ASCC3: variants seen among roughly 807,000 people sequenced by gnomAD.
ASCC3 encodes activating signal cointegrator 1 complex subunit 3, also known as ASC-1 complex subunit P200.
A neutral mutation model predicts 256.3 loss-of-function variants in ASCC3; 158 were observed. The ratio of observed to expected loss-of-function variants is 0.62; its 90% confidence interval spans 0.54 to 0.70. ASCC3 has a LOEUF of 0.70. ASCC3 is among the 30% of genes least tolerant of loss of function. The probability of loss-of-function intolerance (pLI) is 0.00; values close to 1 mark genes in which losing one functional copy is unlikely to be tolerated. For synonymous variants in ASCC3, 948 were observed against 883.4 expected (o/e 1.07, Z -1.30); for missense variants, 2,259 against 2,626.0 (o/e 0.86, Z 3.05).
intron 10 of ASCC3, among the ~76,000 whole-genome samples, chr6:100,750,720 A>G (rs1780898549): frequency 1.3e-5 from 2 of 151,962 alleles, no homozygotes; most frequent in African/African-American, 4.8e-5. Context: ...TATATACTTC[A>G]CCATTCTTTT....
At chr6:100,688,905 TAGGATCCTCCCTCTC>T in intron 13 of ASCC3, among the ~76,000 whole-genome samples, 1 of 152,294 alleles carries the variant, frequency 6.6e-6, no homozygotes, top group South Asian at 2.1e-4. Context: ...AGAAATTAAC[TAGGATCCTCCCTCTC>T]AAAGATGACA....
chr6:100,877,581 ATAATT>A (rs1376105530), intron 1 of ASCC3, among the ~76,000 whole-genome samples: 2 of 152,214 alleles, frequency 1.3e-5, no homozygotes, highest in African/African-American at 4.8e-5. Flanking sequence ...AATCCTAAAG[ATAATT>A]TAATTTCTTA....
At chr6:100,844,584 G>A (rs1278832662) in intron 4 of ASCC3, among the ~76,000 whole-genome samples, 1 of 151,968 alleles carries the variant, frequency 6.6e-6, no homozygotes, top group Non-Finnish European at 1.5e-5. Flanking sequence ...ATTCACTTCC[G>A]GGTGTTAAAA....
At chr6:100,635,785 T>A (rs1774811970) in intron 25 of ASCC3, among the ~76,000 whole-genome samples, 1 of 152,170 alleles carries the variant, frequency 6.6e-6, no homozygotes, top group African/African-American at 2.4e-5. Flanking sequence ...CTTACTTGAC[T>A]TGTAATGTAT....
chr6:100,540,965 GAGTT>G (rs887744907), intron 36 of ASCC3, among the ~76,000 whole-genome samples: 6 of 152,154 alleles, frequency 3.9e-5, no homozygotes, highest in Admixed American at 6.5e-5. Context: ...ATCATACAGA[GAGTT>G]AGATTGTTCT....
chr6:100,533,234 T>C (rs1181350022), intron 37 of ASCC3, among the ~76,000 whole-genome samples: 1 of 152,144 alleles, frequency 6.6e-6, no homozygotes, highest in Non-Finnish European at 1.5e-5. Flanking sequence ...CAGAATAGTG[T>C]TTGTCATAAG....
chr6:100,668,994 G>T (rs534405976), intron 14 of ASCC3, among the ~76,000 whole-genome samples: 1 of 151,354 alleles, frequency 6.6e-6, no homozygotes, highest in Admixed American at 6.6e-5. Flanking sequence ...GAGAAAAAAC[G>T]AATATAAATA....
rs1004004154 is a variant in ASCC3 at position 100,713,329 on chromosome 6, A to G, written c.2151+2133T>C. Among the ~76,000 whole-genome samples, 5 of 152,310 alleles carry G rather than the reference A, an allele frequency of 3.3e-5. No homozygotes were observed. In the East Asian group the frequency reaches 7.7e-4, roughly 23 times the overall value. ...GAAGAAAAGCTAATCTGAAAAGGCT[A>G]CATACTATGTGGTTCCAACTACAAG... On this transcript the variant is annotated intron_variant, in intron 13 of 41. Coordinates refer to ENST00000369162, the MANE Select transcript of ASCC3 (RefSeq NM_006828.4).
rs1776242395 is a variant in ASCC3 at position 100,661,932 on chromosome 6, G to A, written c.2577C>T (p.Asp859=). ...IFGRAGRPQF[D]KFGEGIIITT... ...TTATAATTATTCCTTCCCCAAATTT[G>A]TCAAATTGTGGTCGTCCAGCTCGAC... Residue 859 remains aspartate, a synonymous_variant, in exon 16 of 42, where the codon GAC becomes GAT. Coordinates refer to ENST00000369162, the MANE Select transcript of ASCC3 (RefSeq NM_006828.4). The A allele has an allele frequency of 1.9e-6, 3 of 1,613,232 alleles. No homozygotes were observed. Among genetic ancestry groups the A allele is most frequent in the Non-Finnish European group, 2.5e-6 (3 of 1,179,522 alleles).
rs117262657 is a variant in ASCC3 at position 100,713,549 on chromosome 6, G to A, written c.2151+1913C>T. 1.7e-3 allele frequency among the ~76,000 whole-genome samples: 252 copies of A among 152,182 alleles called. 7 individuals are homozygous for A. The East Asian group carries it at 0.033, about 20-fold the overall frequency. On this transcript the variant is annotated intron_variant, in intron 13 of 41. Coordinates refer to ENST00000369162, the MANE Select transcript of ASCC3 (RefSeq NM_006828.4). Reference sequence around the variant, plus strand: ...TACAAAACAAAGAGTTAACCTTAACGTAAACTGTGGACTTTGAGTAACATC... The same window carrying A: ...TACAAAACAAAGAGTTAACCTTAACATAAACTGTGGACTTTGAGTAACATC...
At chr6:100,581,092 T>C (rs1306292490) in intron 36 of ASCC3, among the ~76,000 whole-genome samples, 1 of 152,152 alleles carries the variant, frequency 6.6e-6, no homozygotes, top group African/African-American at 2.4e-5. Context: ...TTTGGGTATA[T>C]ACCCAGTAAT....
At chr6:100,631,038 T>C (rs1343305727) in intron 26 of ASCC3, 90 bp downstream of exon 26, 5 of 935,720 alleles carry the variant, frequency 5.3e-6, no homozygotes, top group Non-Finnish European at 8.4e-6. Flanking sequence ...AAAATCACTG[T>C]AAAACCATTC....
At chr6:100,665,785 G>A (rs923042644) in intron 14 of ASCC3, among the ~76,000 whole-genome samples, 1 of 150,982 alleles carries the variant, frequency 6.6e-6, no homozygotes, top group African/African-American at 2.5e-5. Context: ...TGGAATCCCT[G>A]GAGATGAGGC....
At chr6:100,686,873 C>A (rs1160677707) in intron 13 of ASCC3, among the ~76,000 whole-genome samples, 1 of 151,874 alleles carries the variant, frequency 6.6e-6, no homozygotes, top group Admixed American at 6.6e-5. Context: ...TTTGTTGGTC[C>A]TTTTTGTATA....
Position 100,642,685 on chromosome 6 carries a change from TG to T in ASCC3, c.3796del (p.Gln1266AsnfsTer25). The T allele has an allele frequency of 6.2e-7, 1 of 1,613,932 alleles. No homozygotes were observed. The highest frequency in any genetic ancestry group is 8.5e-7 in the Non-Finnish European group (1 of 1,179,872). On this transcript the variant is annotated frameshift_variant, in exon 24 of 42. Coordinates refer to ENST00000369162, the MANE Select transcript of ASCC3 (RefSeq NM_006828.4). LOFTEE classifies it high-confidence loss of function. ...ATCAGACACTGCTCGGATGTAGTAT[TG>T]GGAAGGCAAAGGCTCAAAAATAGGG... ...TIPIFEPLPS[Q>X]YYIRAVSDRW...
At chr6:100,835,251 C>T (rs1332517206) in intron 4 of ASCC3, among the ~76,000 whole-genome samples, 3 of 151,946 alleles carry the variant, frequency 2.0e-5, no homozygotes, top group Non-Finnish European at 2.9e-5. Flanking sequence ...TTATTGTTCC[C>T]TTTGTTGTAC....
At chr6:100,643,948 T>C (rs1209521427) in intron 23 of ASCC3, 83 bp downstream of exon 23, 3 of 921,346 alleles carry the variant, frequency 3.3e-6, no homozygotes, top group Admixed American at 4.2e-5. Flanking sequence ...TACTATAAAA[T>C]TACAGAGAAA....
At position 100,725,551 on chromosome 6, in the gene ASCC3, A is replaced by G. The variant is rs1562252740; in HGVS notation, c.1890T>C (p.Arg630=). 1 of 1,612,326 alleles carries G rather than the reference A, an allele frequency of 6.2e-7. No homozygotes were observed. The highest frequency in any genetic ancestry group is 1.3e-5 in the African/African-American group (1 of 74,842). Reference sequence around the variant, plus strand: ...AACTTCCTCTTACCTGCCGTAAAGTACGGGCAACTATGCTTTCTAATACTG... The same window carrying G: ...AACTTCCTCTTACCTGCCGTAAAGTGCGGGCAACTATGCTTTCTAATACTG... ...RGPVLESIVA[R]TLRQVESTQS... is the part of the protein sequence containing the mutation. Residue 630 remains arginine (R), a synonymous_variant, in exon 11 of 42, where the codon CGT becomes CGC. Transcript: ENST00000369162.
At chr6:100,722,992 GA>G (rs1226057282) in intron 11 of ASCC3, among the ~76,000 whole-genome samples, 1 of 151,538 alleles carries the variant, frequency 6.6e-6, no homozygotes, top group Non-Finnish European at 1.5e-5. Flanking sequence ...GGTATTACTA[GA>G]TCTTTATAAA....
Sources: allele counts gnomAD v4.1 joint callset (sites outside exome capture counted in the v4.1 genomes callset), GRCh38; gene constraint gnomAD v4.1.1; transcripts MANE v1.5; gene names NCBI Gene and HGNC (gene_info 2026-07-23, HGNC 2026-07-21).